CWC27: variants seen among roughly 807,000 people sequenced by gnomAD.
The protein encoded by CWC27 is CWC27 spliceosome associated cyclophilin, also known as spliceosome-associated protein CWC27 homolog.
A neutral mutation model predicts 63.6 loss-of-function variants in CWC27; 47 were observed. That is an observed-to-expected ratio of 0.74 (90% CI 0.58 to 0.94). The LOEUF (loss-of-function observed/expected upper bound fraction) is 0.94, where lower values mean the gene tolerates loss of function less well. CWC27 is among the 40% of genes least tolerant of loss of function. The pLI is 0.00. For synonymous variants in CWC27, 175 were observed against 179.8 expected (o/e 0.97, Z 0.22); for missense variants, 495 against 554.3 (o/e 0.89, Z 1.07).
intron 10 of CWC27, among the ~76,000 whole-genome samples, chr5:64,882,974 A>G (rs1324012971): frequency 1.3e-5 from 2 of 152,192 alleles, no homozygotes; most frequent in African/African-American, 4.8e-5. Flanking sequence ...GCTAATAAAG[A>G]CATACCCAAG....
intron 10 of CWC27, among the ~76,000 whole-genome samples, chr5:64,860,820 G>A (rs1169507073): frequency 6.6e-6 from 1 of 152,168 alleles, no homozygotes; most frequent in African/African-American, 2.4e-5. Context: ...TTGATAAACT[G>A]TGAGTGCTCT....
chr5:64,959,762 G>C (rs966692534), intron 11 of CWC27, among the ~76,000 whole-genome samples: 2 of 152,214 alleles, frequency 1.3e-5, no homozygotes, highest in African/African-American at 4.8e-5. Context: ...TAAGGTGACT[G>C]TAGACACTGT....
intron 10 of CWC27, among the ~76,000 whole-genome samples, chr5:64,848,808 C>T (rs1337408074): frequency 6.6e-6 from 1 of 152,010 alleles, no homozygotes; most frequent in Non-Finnish European, 1.5e-5. Context: ...TAAAAAGTCA[C>T]CAAATTAGGT....
chr5:64,798,697 T>C (rs2112201434), intron 7 of CWC27, among the ~76,000 whole-genome samples: 1 of 152,302 alleles, frequency 6.6e-6, no homozygotes, highest in East Asian at 1.9e-4. Context: ...TAAGAGCCTG[T>C]TTTTCAAATT....
intron 11 of CWC27, among the ~76,000 whole-genome samples, chr5:64,932,687 T>C (rs1436681669): frequency 6.6e-6 from 1 of 152,192 alleles, no homozygotes; most frequent in East Asian, 1.9e-4. Flanking sequence ...TGTTCTTGTC[T>C]CTTCTTCACC....
chr5:64,794,154 T>C (rs1744175442), intron 7 of CWC27, among the ~76,000 whole-genome samples: 1 of 152,118 alleles, frequency 6.6e-6, no homozygotes, highest in African/African-American at 2.4e-5. Flanking sequence ...TCCTTTTTGA[T>C]AGGATTGCAT....
intron 10 of CWC27, among the ~76,000 whole-genome samples, chr5:64,840,680 G>A (rs1379995659): frequency 6.6e-6 from 1 of 151,764 alleles, no homozygotes; most frequent in African/African-American, 2.4e-5. Flanking sequence ...TATTTTGTTG[G>A]GGAGCTACTG....
chr5:64,782,447 CAAAT>C lies in CWC27; in HGVS notation c.252+447_252+450del, dbSNP rs67366377. 2.2e-3 allele frequency among the ~76,000 whole-genome samples: 306 copies of C among 139,834 alleles called. 3 individuals carry two copies. Among genetic ancestry groups the C allele is most frequent in the African/African-American group, 7.4e-3 (281 of 38,144 alleles). The allele number at this position is 139,834 out of a possible 152,430, so 91.7% of individuals were successfully genotyped here. On this transcript the variant is annotated intron_variant, in intron 3 of 13. Coordinates refer to ENST00000381070, the MANE Select transcript of CWC27 (RefSeq NM_005869.4). ...TGGGCGACAGAGCGAGACTCCGTCT[CAAAT>C]AAATAAATAAATAAATAAATAAATA...
intron 7 of CWC27, among the ~76,000 whole-genome samples, chr5:64,791,141 G>A (rs1256495627): frequency 6.6e-6 from 1 of 151,906 alleles, no homozygotes; most frequent in Non-Finnish European, 1.5e-5. Context: ...GTTAGGTTGA[G>A]CAGCCTTGGA....
At chr5:64,897,766 A>G (rs1747414787) in intron 11 of CWC27, among the ~76,000 whole-genome samples, 1 of 152,142 alleles carries the variant, frequency 6.6e-6, no homozygotes, top group South Asian at 2.1e-4. Flanking sequence ...AAAATTGGAC[A>G]ATCAAATCGT....
At chr5:65,010,959 G>C (rs1431318331) in intron 13 of CWC27, among the ~76,000 whole-genome samples, 1 of 152,198 alleles carries the variant, frequency 6.6e-6, no homozygotes, top group East Asian at 1.9e-4. Context: ...GAGGTGGCTG[G>C]CTACTCAGAA....
chr5:64,805,307 C>T (rs930292286), intron 10 of CWC27, among the ~76,000 whole-genome samples: 3 of 150,368 alleles, frequency 2.0e-5, no homozygotes, highest in African/African-American at 7.3e-5. Context: ...GTCTTTTTTC[C>T]AGCAATATTC....
chr5:64,777,217 G>A (rs1323005643), intron 2 of CWC27, among the ~76,000 whole-genome samples: 1 of 151,954 alleles, frequency 6.6e-6, no homozygotes, highest in East Asian at 1.9e-4. Flanking sequence ...CATCATTCTT[G>A]TCTCATCATG....
chr5:64,819,440 T>A (rs62369298), intron 10 of CWC27, among the ~76,000 whole-genome samples: 53,527 of 151,828 alleles, frequency 0.35, 9,887 homozygotes, highest in East Asian at 0.51. Context: ...TGTAGCTCCC[T>A]TAATTCCCAC....
chr5:64,960,149 G>A (rs1030166606), intron 11 of CWC27, among the ~76,000 whole-genome samples: 1 of 151,548 alleles, frequency 6.6e-6, no homozygotes, highest in African/African-American at 2.4e-5. Context: ...TTATTTCATC[G>A]GGATATACCC....
intron 10 of CWC27, among the ~76,000 whole-genome samples, chr5:64,820,494 G>A (rs1745167014): frequency 6.6e-6 from 1 of 151,970 alleles, no homozygotes; most frequent in Non-Finnish European, 1.5e-5. Flanking sequence ...AGCCACTTAA[G>A]TATATGTGAA....
chr5:64,945,934 C>T (rs893438225), intron 11 of CWC27, among the ~76,000 whole-genome samples: 67 of 152,192 alleles, frequency 4.4e-4, no homozygotes, highest in African/African-American at 1.6e-3. Flanking sequence ...CTTGAATCAA[C>T]CAACTTTCAT....
At chr5:64,997,408 C>T (rs1174884779) in intron 13 of CWC27, among the ~76,000 whole-genome samples, 1 of 152,074 alleles carries the variant, frequency 6.6e-6, no homozygotes, top group Non-Finnish European at 1.5e-5. Context: ...ACAATCCGTG[C>T]TCAATAAATG....
rs959725958 is a variant in CWC27 at position 64,769,072 on chromosome 5, G to T, written c.-75G>T. 2 of 1,236,884 alleles carry T rather than the reference G, an allele frequency of 1.6e-6. No individual in the cohort carries two copies. Among genetic ancestry groups the T allele is most frequent in the East Asian group, 2.3e-5 (1 of 42,868 alleles). 76.6% of individuals were successfully genotyped at this position (1,236,884 alleles called of 1,614,324 possible). On this transcript the variant is annotated 5_prime_UTR_variant, in exon 1 of 14. Transcript: ENST00000381070. ...ACTGGACTTAAGGAAGAGTGTACTC[G>T]TAGGCGGACAGCTTTAGTGGCCGGC... is the stretch of plus-strand genomic sequence containing the variant.
Sources: gnomAD v4.1 joint callset for allele counts (sites outside exome capture counted in the v4.1 genomes callset) on GRCh38, gnomAD v4.1.1 for gene constraint, MANE v1.5 for transcripts, NCBI Gene and HGNC (gene_info 2026-07-23, HGNC 2026-07-21) for gene names.